The following ST14 variants were observed in gnomAD, a reference collection of about 807,000 sequenced individuals.
ST14 encodes suppressor of tumorigenicity 14 protein.
In ST14, 40 loss-of-function variants were observed where a neutral mutation model predicts 96.5. The observed-to-expected ratio is 0.41, with a 90% CI of 0.32 to 0.54. The LOEUF (loss-of-function observed/expected upper bound fraction) is 0.54. Among genes scored for constraint, ST14 ranks in the 20% least tolerant of loss-of-function variants. The pLI is 0.17. For synonymous variants in ST14, 506 were observed against 492.1 expected, an observed-to-expected ratio of 1.03 and a Z score of -0.37; for missense variants, 1,066 against 1,188.9, an observed-to-expected ratio of 0.90 and a Z score of 1.52.
chr11:130,182,588 C>T (rs1016437872), intron 1 of ST14, among the ~76,000 whole-genome samples: 22 of 152,014 alleles, frequency 1.4e-4, no homozygotes, highest in Admixed American at 1.4e-3. Context: ...CTCAAGTGAT[C>T]TGTCCACCTT....
chr11:130,205,372 C>A (rs1463771088), intron 16 of ST14, among the ~76,000 whole-genome samples: 1 of 152,200 alleles, frequency 6.6e-6, no homozygotes, highest in Admixed American at 6.5e-5. Flanking sequence ...GTGATCCCCC[C>A]ATGCCTTGGC....
rs759150159 is a variant in ST14, at chr11:130,188,161, C to T, written c.129C>T (p.Asn43=). The change falls in exon 2 of 19, where the codon AAC becomes AAT. Residue 43 remains asparagine, a synonymous_variant. Coordinates refer to ENST00000278742, the MANE Select transcript of ST14 (RefSeq NM_021978.4). The surrounding 1 kb of genome is among the most constrained non-coding windows in gnomAD (Gnocchi z 5.4). ...GCGTGGAGTTCCTGCCAGTCAACAA[C>T]GTCAAGAAGGTGGAAAAGCATGGCC... ...EEGVEFLPVN[N]VKKVEKHGPG... is the part of the protein sequence containing the mutation. 31 of 1,614,080 alleles carry T rather than the reference C, an allele frequency of 1.9e-5. No homozygotes were observed. Among genetic ancestry groups the T allele is most frequent in the East Asian group, 1.8e-4 (8 of 44,896 alleles).
chr11:130,198,238 C>G (rs373676228), intron 12 of ST14, 70 bp from the exon 13 acceptor site: 1 of 1,432,786 alleles, frequency 7.0e-7, no homozygotes, highest in Admixed American at 1.7e-5. Flanking sequence ...TAGCTCTGAT[C>G]GCCTGGGCAT....
Position 130,209,929 on chromosome 11 carries a change from C to T in ST14, c.*106C>T. 1 of 1,364,482 alleles carries T rather than the reference C, an allele frequency of 7.3e-7. No individual in the cohort carries two copies. The highest frequency in any genetic ancestry group is 1.2e-5 in the South Asian group (1 of 80,008). 84.5% of individuals were successfully genotyped at this position (1,364,482 alleles called of 1,614,324 possible). On this transcript the variant is annotated 3_prime_UTR_variant, in exon 19 of 19. Transcript: ENST00000278742. ...GGACCGCTGACTGCACCAGCGCCCC[C>T]AGAACATACACTGTGAACTCAATCT...
chr11:130,178,059 C>T (rs895208242), intron 1 of ST14, among the ~76,000 whole-genome samples: 3 of 152,362 alleles, frequency 2.0e-5, no homozygotes, highest in Middle Eastern at 6.8e-3. Flanking sequence ...GTCAGAGCCT[C>T]AGGCACACAG....
chr11:130,197,963 C>A lies in ST14; in HGVS notation c.1459+18C>A, dbSNP rs370884367. 2 of 1,553,454 alleles carry A rather than the reference C, an allele frequency of 1.3e-6. No individual in the cohort carries two copies. Among genetic ancestry groups the A allele is most frequent in the Non-Finnish European group, 8.7e-7 (1 of 1,151,020 alleles). ...CAACTGCAGTGAGTCAGGCTGGGAG[C>A]CCCGGTCTCCCCACCCTCCTTCCCC... On this transcript the variant is annotated intron_variant, in intron 12 of 18. Transcript: ENST00000278742.
rs187106009 is a variant in ST14 at position 130,196,458 on chromosome 11, C to G, written c.1223+10C>G. 6.2e-7 allele frequency: 1 copy of G among 1,602,156 alleles called. No individual in the cohort carries two copies. The highest frequency in any genetic ancestry group is 8.5e-7 in the Non-Finnish European group (1 of 1,173,840). ...AGATCAACGGGGAGAAGTGAGTCCCCGGGGGTATGGGGGCTGCCGGGCCCA... is the reference window on the plus strand; with the variant it reads ...AGATCAACGGGGAGAAGTGAGTCCCGGGGGGTATGGGGGCTGCCGGGCCCA... On this transcript the variant is annotated intron_variant, in intron 10 of 18. Transcript: ENST00000278742.
At chr11:130,190,729 G>T in intron 7 of ST14, 35 bp downstream of exon 7, 3 of 1,538,566 alleles carry the variant, frequency 1.9e-6, no homozygotes, top group Non-Finnish European at 2.6e-6. Flanking sequence ...GGCTGTGGGA[G>T]CTTGGCGGCT....
chr11:130,196,519 C>T (rs762651099), intron 10 of ST14, 51 bp from the exon 11 acceptor site: 29 of 1,517,840 alleles, frequency 1.9e-5, no homozygotes, highest in Admixed American at 3.5e-5. Context: ...GACCCCCAGC[C>T]CCCCGGCTCC....
chr11:130,190,967 G>T (rs547822912), intron 7 of ST14, among the ~76,000 whole-genome samples: 3 of 152,318 alleles, frequency 2.0e-5, no homozygotes, highest in Non-Finnish European at 4.4e-5. Context: ...TGAACCGCCG[G>T]AGAGAAGGCA....
chr11:130,202,202 C>T (rs1013092201), intron 16 of ST14, among the ~76,000 whole-genome samples: 5 of 152,224 alleles, frequency 3.3e-5, no homozygotes, highest in Admixed American at 2.0e-4. Flanking sequence ...TCCTTTGCTT[C>T]GTTGCTTTCT....
intron 16 of ST14, among the ~76,000 whole-genome samples, chr11:130,204,328 C>G (rs904977145): frequency 2.0e-5 from 3 of 152,182 alleles, no homozygotes; most frequent in African/African-American, 4.8e-5. Context: ...GGTCACAAGA[C>G]CTCACCTGGC....
chr11:130,199,176 C>T (rs1226397443), intron 15 of ST14, 107 bp downstream of exon 15: 1 of 1,255,758 alleles, frequency 8.0e-7, no homozygotes, highest in African/African-American at 1.5e-5. Context: ...CTTAGCAGCT[C>T]TGTGCTTGGG....
rs1164721283 is a variant in ST14, at chr11:130,206,564, TTTC to T, written c.1995-1843_1995-1841del. Among the ~76,000 whole-genome samples, 23 of 99,946 alleles carry T rather than the reference TTTC, an allele frequency of 2.3e-4. No homozygotes were observed. In the East Asian group the frequency reaches 6.0e-3, roughly 26 times the overall value. 65.6% of individuals were successfully genotyped at this position (99,946 alleles called of 152,430 possible). On this transcript the variant is annotated intron_variant, in intron 16 of 18. Coordinates refer to ENST00000278742, the MANE Select transcript of ST14 (RefSeq NM_021978.4). ...TTCTTTCTTTCTCTTTCTCTTTTCT[TTTC>T]TTTTTTTTTTTCTTTTTTGAGGTGG...
At chr11:130,191,562 C>T (rs1377231550) in intron 7 of ST14, among the ~76,000 whole-genome samples, 3 of 151,600 alleles carry the variant, frequency 2.0e-5, no homozygotes, top group Admixed American at 6.6e-5. Context: ...TGGTGGCGGG[C>T]GCCTGTAATC....
intron 12 of ST14, 78 bp downstream of exon 12, chr11:130,198,023 T>C (rs1369937938): frequency 1.4e-6 from 2 of 1,438,640 alleles, no homozygotes; most frequent in Non-Finnish European, 1.9e-6. Context: ...GCTGGCTGAC[T>C]GCCGAGGCAG....
At position 130,188,948 on chromosome 11, in the gene ST14, G is replaced by C; in HGVS notation, c.440+9G>C. Reference sequence around the variant, plus strand: ...GCTGTGACGGCCTTCAGGTGGGTGTGGAGAGAAGGCTCAGTGGGATGCACC... The same window carrying C: ...GCTGTGACGGCCTTCAGGTGGGTGTCGAGAGAAGGCTCAGTGGGATGCACC... On this transcript the variant is annotated intron_variant, in intron 4 of 18. Coordinates refer to ENST00000278742, the MANE Select transcript of ST14 (RefSeq NM_021978.4). The surrounding 1 kb of genome is among the most constrained non-coding windows in gnomAD (Gnocchi z 5.4). 1 of 1,607,046 alleles carries C rather than the reference G, an allele frequency of 6.2e-7. No homozygotes were observed. The highest frequency in any genetic ancestry group is 8.5e-7 in the Non-Finnish European group (1 of 1,177,288).
chr11:130,203,878 T>C (rs980708145), intron 16 of ST14, among the ~76,000 whole-genome samples: 3 of 152,206 alleles, frequency 2.0e-5, no homozygotes, highest in Admixed American at 1.3e-4. Context: ...GGTCTTGAAC[T>C]CCTGACCACG....
intron 1 of ST14, among the ~76,000 whole-genome samples, chr11:130,164,104 CTT>C (rs1159541966): frequency 6.6e-6 from 1 of 152,188 alleles, no homozygotes. Context: ...GCTCATGTCT[CTT>C]TTAAAAGAGA....
Sources: gnomAD v4.1 joint callset for allele counts (sites outside exome capture counted in the v4.1 genomes callset) on GRCh38, gnomAD v4.1.1 for gene constraint, Gnocchi (gnomAD v3.1) non-coding constraint, MANE v1.5 for transcripts, NCBI Gene and HGNC (gene_info 2026-07-23, HGNC 2026-07-21) for gene names.